The following ZNF33B variants were observed in gnomAD, a reference collection of about 807,000 sequenced individuals.
ZNF33B encodes zinc finger protein 11b (KOX 2).
ZNF33B carries 29 observed loss-of-function variants against 45.8 expected under a neutral mutation model. The ratio of observed to expected loss-of-function variants is 0.63; its 90% CI spans 0.47 to 0.86. The LOEUF (loss-of-function observed/expected upper bound fraction) is 0.86. ZNF33B is among the 40% of genes least tolerant of loss of function. The probability of loss-of-function intolerance (pLI) is 0.00; values close to 1 mark genes in which losing one functional copy is unlikely to be tolerated. For synonymous variants in ZNF33B, 305 were observed against 307.8 expected (o/e 0.99, Z 0.10); for missense variants, 831 against 909.9 (o/e 0.91, Z 1.12).
intron 1 of ZNF33B, among the ~76,000 whole-genome samples, chr10:42,637,362 A>G (rs1478268059): frequency 1.3e-5 from 2 of 152,256 alleles, no homozygotes; most frequent in East Asian, 3.8e-4. Context: ...TTTTCCCAGT[A>G]ATGTTACTTA....
downstream of ZNF33B, among the ~76,000 whole-genome samples, chr10:42,584,185 G>T (rs1209202228): frequency 6.6e-6 from 1 of 152,222 alleles, no homozygotes; most frequent in Non-Finnish European, 1.5e-5. Context: ...TGTGTCAACA[G>T]GACCAACTCT....
chr10:42,595,469 A>C (rs1426122160), intron 4 of ZNF33B, among the ~76,000 whole-genome samples: 1 of 152,118 alleles, frequency 6.6e-6, no homozygotes, highest in Non-Finnish European at 1.5e-5. Flanking sequence ...CTTATTAAAG[A>C]CTTATTAAAG....
intron 1 of ZNF33B, chr10:42,583,150 C>T: frequency 1.3e-6 from 1 of 795,950 alleles, no homozygotes; most frequent in Non-Finnish European, 2.2e-6. Flanking sequence ...ATGGTGAGAA[C>T]AATATTTGAA....
chr10:42,627,697 C>T lies in ZNF33B; in HGVS notation c.250+4232G>A, dbSNP rs188878810. Reference sequence around the variant, plus strand: ...TCTATCAGCACTGCTTTAGCTACCTCCCACATATATTGATATGGTATGGTC... The same window carrying T: ...TCTATCAGCACTGCTTTAGCTACCTTCCACATATATTGATATGGTATGGTC... On this transcript the variant is annotated intron_variant, in intron 4 of 4. Transcript: ENST00000359467. Among the ~76,000 whole-genome samples the T allele has an allele frequency of 3.3e-3, 504 of 152,270 alleles. 2 individuals are homozygous for T. The highest frequency in any genetic ancestry group is 0.011 in the African/African-American group (471 of 41,558).
Position 42,592,822 on chromosome 10 carries a change from C to A in ZNF33B, c.2128G>T (p.Val710Leu). Residue 710 changes from valine (V) to leucine (L), a missense_variant, in exon 5 of 5, where the codon GTA (valine) becomes TTA (leucine). Val to Leu is a conservative substitution (Grantham distance 32, BLOSUM62 1). Transcript: ENST00000359467. ...KSFSHKSSLT[V>L]HHRAHTGEKS... The stretch of plus-strand genomic sequence containing the variant: ...TCTCCTGTGTGAGCCCTGTGATGTA[C>A]TGTGAGTGATGATTTGTGACTGAAG... The A allele has an allele frequency of 2.5e-6, 4 of 1,614,048 alleles. No homozygotes were observed. Among genetic ancestry groups the A allele is most frequent in the Non-Finnish European group, 3.4e-6 (4 of 1,179,978 alleles).
chr10:42,611,043 T>C (rs1838076758), intron 4 of ZNF33B, among the ~76,000 whole-genome samples: 2 of 152,274 alleles, frequency 1.3e-5, no homozygotes, highest in East Asian at 1.9e-4. Flanking sequence ...GAAAACTTAA[T>C]GCTGAAAAAT....
intron 4 of ZNF33B, among the ~76,000 whole-genome samples, chr10:42,628,104 C>T (rs929192751): frequency 2.0e-5 from 3 of 152,080 alleles, no homozygotes; most frequent in Non-Finnish European, 2.9e-5. Flanking sequence ...GGAACCTTTG[C>T]CTCCCAGTTC....
At chr10:42,585,525 G>A (rs1312681583), downstream of ZNF33B, among the ~76,000 whole-genome samples, 1 of 152,176 alleles carries the variant, frequency 6.6e-6, no homozygotes, top group Non-Finnish European at 1.5e-5. Flanking sequence ...TGGAGGAGAT[G>A]GGAACTAGAA....
intron 4 of ZNF33B, among the ~76,000 whole-genome samples, chr10:42,602,912 C>T (rs934650796): frequency 2.6e-5 from 4 of 152,136 alleles, no homozygotes; most frequent in Admixed American, 2.0e-4. Context: ...GATCTCCAGG[C>T]CTCTCTCTGT....
chr10:42,577,405 C>T (rs778722082), intron 1 of ZNF33B, among the ~76,000 whole-genome samples: 35 of 152,128 alleles, frequency 2.3e-4, no homozygotes, highest in Admixed American at 7.2e-4. Flanking sequence ...TCTTTCCTAC[C>T]GTCTCCTTCT....
chr10:42,619,982 G>A (rs540726012), intron 4 of ZNF33B, among the ~76,000 whole-genome samples: 75 of 152,218 alleles, frequency 4.9e-4, no homozygotes, highest in African/African-American at 9.9e-4. Context: ...TTGGGAGGCC[G>A]AAATGGGTGG....
At chr10:42,604,048 A>T (rs1172302484) in intron 4 of ZNF33B, among the ~76,000 whole-genome samples, 1 of 152,264 alleles carries the variant, frequency 6.6e-6, no homozygotes, top group Non-Finnish European at 1.5e-5. Flanking sequence ...ACATACAAAG[A>T]AACAGGAGAC....
At chr10:42,618,123 A>AGGTAT (rs1838406690) in intron 4 of ZNF33B, among the ~76,000 whole-genome samples, 1 of 152,206 alleles carries the variant, frequency 6.6e-6, no homozygotes, top group Non-Finnish European at 1.5e-5. Context: ...TGATATCATT[A>AGGTAT]CCAGTTTTGA....
chr10:42,585,522 G>C (rs1363008706), downstream of ZNF33B, among the ~76,000 whole-genome samples: 1 of 152,218 alleles, frequency 6.6e-6, no homozygotes, highest in Non-Finnish European at 1.5e-5. Context: ...TACTGGAGGA[G>C]ATGGGAACTA....
rs552966641 is a variant in ZNF33B, at chr10:42,591,742, T to C, written c.*871A>G. ...TATCTATGCTTTACAAAAAGCTTCA[T>C]AGTCAAGTGGATGCCAGGGACAGGG... is the stretch of plus-strand genomic sequence containing the variant. On this transcript the variant is annotated 3_prime_UTR_variant, in exon 5 of 5. Coordinates refer to ENST00000359467, the MANE Select transcript of ZNF33B (RefSeq NM_006955.3). The C allele has an allele frequency of 1.9e-5, 4 of 212,412 alleles. No homozygotes were observed. The highest frequency in any genetic ancestry group is 3.2e-5 in the Non-Finnish European group (4 of 123,300). 13.2% of individuals were successfully genotyped at this position (212,412 alleles called of 1,614,324 possible).
At chr10:42,607,505 T>A (rs1194183572) in intron 4 of ZNF33B, among the ~76,000 whole-genome samples, 1 of 152,008 alleles carries the variant, frequency 6.6e-6, no homozygotes, top group Non-Finnish European at 1.5e-5. Flanking sequence ...GTAACAAAAC[T>A]GCACTTGTAC....
intron 4 of ZNF33B, among the ~76,000 whole-genome samples, chr10:42,608,023 C>T (rs1033053019): frequency 7.2e-5 from 11 of 152,124 alleles, no homozygotes; most frequent in African/African-American, 2.7e-4. Context: ...ATATCAGGCA[C>T]ATGGCACCAA....
chr10:42,587,414 C>A (rs1180118799), downstream of ZNF33B, among the ~76,000 whole-genome samples: 2 of 152,110 alleles, frequency 1.3e-5, no homozygotes, highest in Non-Finnish European at 2.9e-5. Flanking sequence ...CCAGGCTGAT[C>A]TTGAACTCCT....
downstream of ZNF33B, among the ~76,000 whole-genome samples, chr10:42,586,647 A>G (rs1254618528): frequency 6.6e-6 from 1 of 152,222 alleles, no homozygotes; most frequent in Non-Finnish European, 1.5e-5. Context: ...ACACAGTCAT[A>G]ATAGTCTCAC....
Sources: gnomAD v4.1 joint callset for allele counts (sites outside exome capture counted in the v4.1 genomes callset) on GRCh38, gnomAD v4.1.1 for gene constraint, MANE v1.5 for transcripts, NCBI Gene and HGNC (gene_info 2026-07-23, HGNC 2026-07-21) for gene names.